The following GRID2 variants were observed in gnomAD, a reference collection of about 807,000 sequenced individuals.
GRID2 encodes the protein glutamate receptor ionotropic, delta-2.
Under a neutral mutation model 114.8 loss-of-function variants are expected in GRID2, and 33 were observed. The ratio of observed to expected loss-of-function variants is 0.29; its 90% CI spans 0.22 to 0.38. The LOEUF is 0.38. Ranked by LOEUF, GRID2 falls within the 10% of genes least tolerant of loss-of-function variation. The pLI is 1.00. For synonymous variants in GRID2, 505 were observed against 449.9 expected (o/e 1.12, Z -1.55); for missense variants, 1,184 against 1,257.7 (o/e 0.94, Z 0.89).
chr4:92,524,426 T>G (rs1335342070), intron 1 of GRID2, among the ~76,000 whole-genome samples: 3 of 138,730 alleles, frequency 2.2e-5, no homozygotes, highest in Middle Eastern at 3.7e-3. Flanking sequence ...TTTTTTTTTT[T>G]TTTTGTTTAC....
At chr4:92,447,110 C>T (rs1382944661) in intron 1 of GRID2, among the ~76,000 whole-genome samples, 1 of 152,084 alleles carries the variant, frequency 6.6e-6, no homozygotes, top group Admixed American at 6.6e-5. Context: ...TTTAAAACAA[C>T]CATAAATAAG....
chr4:92,738,429 G>GTCCT (rs908058811), intron 2 of GRID2, among the ~76,000 whole-genome samples: 6 of 152,056 alleles, frequency 3.9e-5, no homozygotes, highest in Non-Finnish European at 8.8e-5. Flanking sequence ...GGTTGTTGCA[G>GTCCT]TCCTTCCATT....
At chr4:93,276,642 T>C (rs72872791) in intron 8 of GRID2, among the ~76,000 whole-genome samples, 3,356 of 152,140 alleles carry the variant, frequency 0.022, 122 homozygotes, top group African/African-American at 0.077. Flanking sequence ...CTTACTCTTG[T>C]TAAATATATT....
At chr4:92,383,662 C>G (rs75027922) in intron 1 of GRID2, among the ~76,000 whole-genome samples, 2,843 of 151,970 alleles carry the variant, frequency 0.019, 102 homozygotes, top group African/African-American at 0.063. Flanking sequence ...TGTTTTCTTT[C>G]TCTTTTTCTT....
intron 1 of GRID2, among the ~76,000 whole-genome samples, chr4:92,378,565 T>C: frequency 6.6e-6 from 1 of 152,122 alleles, no homozygotes; most frequent in Non-Finnish European, 1.5e-5. Context: ...AAAAATATAC[T>C]AGTTGAAATT....
intron 2 of GRID2, among the ~76,000 whole-genome samples, chr4:92,916,073 T>C (rs573881680): frequency 6.6e-6 from 1 of 152,316 alleles, no homozygotes; most frequent in East Asian, 1.9e-4. Context: ...TTTAGTGTAA[T>C]TAGATCCCAT....
At chr4:93,292,487 C>A (rs571333281) in intron 8 of GRID2, among the ~76,000 whole-genome samples, 1 of 152,110 alleles carries the variant, frequency 6.6e-6, no homozygotes, top group South Asian at 2.1e-4. Flanking sequence ...CATAGCTATT[C>A]TTTTAGGCCC....
intron 2 of GRID2, among the ~76,000 whole-genome samples, chr4:92,869,677 A>C (rs1407745667): frequency 6.6e-6 from 1 of 152,178 alleles, no homozygotes; most frequent in East Asian, 1.9e-4. Context: ...TCACCACCTC[A>C]ACCACATTCA....
intron 2 of GRID2, among the ~76,000 whole-genome samples, chr4:92,766,323 G>C (rs1339074479): frequency 1.3e-5 from 2 of 152,024 alleles, no homozygotes; most frequent in Non-Finnish European, 2.9e-5. Flanking sequence ...AGGATCATGA[G>C]GTCAGGAGAT....
intron 2 of GRID2, among the ~76,000 whole-genome samples, chr4:92,852,769 G>T (rs1005992295): frequency 6.6e-5 from 10 of 151,738 alleles, no homozygotes; most frequent in Non-Finnish European, 1.5e-4. Flanking sequence ...ATATTATGAA[G>T]AGCCACACTA....
chr4:93,439,688 A>G (rs745444605), intron 10 of GRID2, among the ~76,000 whole-genome samples: 3 of 152,110 alleles, frequency 2.0e-5, no homozygotes, highest in Non-Finnish European at 2.9e-5. Flanking sequence ...GGTAAGGAGA[A>G]CAGGTGTTAA....
At chr4:93,244,739 TATAAG>T (rs1217938924) in intron 8 of GRID2, among the ~76,000 whole-genome samples, 1 of 151,098 alleles carries the variant, frequency 6.6e-6, no homozygotes, top group Admixed American at 6.6e-5. Context: ...GCTTTGTACT[TATAAG>T]GAGGAGAGAA....
intron 14 of GRID2, among the ~76,000 whole-genome samples, chr4:93,701,904 C>G (rs887612577): frequency 6.6e-6 from 1 of 151,608 alleles, no homozygotes; most frequent in East Asian, 1.9e-4. Context: ...CAAAAGCAAC[C>G]TACATATTTA....
chr4:93,751,746 C>T (rs1029550950), intron 14 of GRID2, among the ~76,000 whole-genome samples: 13 of 152,134 alleles, frequency 8.5e-5, no homozygotes, highest in Admixed American at 3.9e-4. Context: ...AGCGAAAACA[C>T]GGTTAAGAAT....
intron 2 of GRID2, among the ~76,000 whole-genome samples, chr4:93,017,561 C>G (rs1281585764): frequency 6.6e-6 from 1 of 151,734 alleles, no homozygotes; most frequent in Non-Finnish European, 1.5e-5. Flanking sequence ...CACCTATAAC[C>G]CCAGCACTTT....
intron 14 of GRID2, among the ~76,000 whole-genome samples, chr4:93,718,182 G>A (rs2110186986): frequency 6.6e-6 from 1 of 152,242 alleles, no homozygotes; most frequent in South Asian, 2.1e-4. Context: ...TTCAAAATAA[G>A]ATACATATGG....
At chr4:93,710,090 T>G (rs1278872710) in intron 14 of GRID2, among the ~76,000 whole-genome samples, 1 of 152,212 alleles carries the variant, frequency 6.6e-6, no homozygotes, top group African/African-American at 2.4e-5. Flanking sequence ...GTCTGTTTGG[T>G]GAGGTCATGT....
intron 4 of GRID2, among the ~76,000 whole-genome samples, chr4:93,136,232 TTGTGTGTGTGTGTGTGTG>T (rs3970984): frequency 2.0e-4 from 29 of 142,364 alleles, no homozygotes; most frequent in East Asian, 4.2e-4. Flanking sequence ...CCAACAGTTA[TTGTGTGTGTGTGTGTGTG>T]TGTGTGTGTG....
intron 14 of GRID2, among the ~76,000 whole-genome samples, chr4:93,705,362 G>A (rs576810299): frequency 8.7e-5 from 13 of 149,650 alleles, no homozygotes; most frequent in African/African-American, 3.0e-4. Context: ...ACAGAGTCTC[G>A]CTGTGTCGCT....
Sources: allele counts gnomAD v4.1 joint callset (sites outside exome capture counted in the v4.1 genomes callset), GRCh38; gene constraint gnomAD v4.1.1; transcripts MANE v1.5; gene names NCBI Gene and HGNC (gene_info 2026-07-23, HGNC 2026-07-21).